APLP2: variants seen among roughly 807,000 people sequenced by gnomAD.
APLP2 encodes the protein CDEI box-binding protein.
A neutral mutation model predicts 89.9 loss-of-function variants in APLP2; 53 were observed. That is an observed-to-expected ratio of 0.59 (90% CI 0.47 to 0.74). The LOEUF is 0.74. Among genes scored for constraint, APLP2 ranks in the 30% least tolerant of loss-of-function variants. APLP2 has a pLI of 0.00. For missense variants in APLP2, 973 were observed against 975.9 expected (o/e 1.00, Z 0.04); for synonymous variants, 372 against 348.6 (o/e 1.07, Z -0.75).
chr11:130,093,451 G>C (rs377412920), intron 1 of APLP2, among the ~76,000 whole-genome samples: 2 of 152,292 alleles, frequency 1.3e-5, no homozygotes, highest in South Asian at 2.1e-4. Flanking sequence ...GATAACAAAG[G>C]GTTCTTGGAA....
Position 130,123,618 on chromosome 11 carries a change from G to C in APLP2, c.929G>C (p.Cys310Ser), listed in dbSNP as rs748257586. 1.9e-6 allele frequency: 3 copies of C among 1,613,394 alleles called. No homozygotes were observed. The highest frequency in any genetic ancestry group is 2.5e-6 in the Non-Finnish European group (3 of 1,179,642). Residue 310 changes from cysteine (C) to serine (S), a missense_variant, in exon 7 of 17, where the codon TGC (cysteine) becomes TCC (serine). By Grantham distance (112) the Cys-to-Ser change is moderately radical. Transcript: ENST00000338167. This position sits in a 1 kb window ranked among gnomAD's most constrained non-coding sequence, Gnocchi z 4.0. The stretch of plus-strand genomic sequence containing the variant: ...TCTGACCATTTTCACACAGCTGTCT[G>C]CTCCCAGGAGGCGATGACGGGGCCC... ...KEITHDVKAVCSQEAMTGPCR... is the reference protein window; with the variant it reads ...KEITHDVKAVSSQEAMTGPCR...
chr11:130,120,235 C>A (rs117012456), intron 3 of APLP2, among the ~76,000 whole-genome samples: 2 of 152,082 alleles, frequency 1.3e-5, no homozygotes, highest in African/African-American at 4.8e-5. Flanking sequence ...TGTAATTAAT[C>A]ATTGATTATT....
intron 3 of APLP2, 46 bp from the exon 4 acceptor site, chr11:130,120,660 T>C (rs779985014): frequency 6.9e-7 from 1 of 1,450,216 alleles, no homozygotes; most frequent in South Asian, 1.1e-5. Flanking sequence ...CATTTTCACC[T>C]TGAAATCATG....
At position 130,143,591 on chromosome 11, in the gene APLP2, A is replaced by G. The variant is rs988280538; in HGVS notation, c.*143A>G. ...CCTGGACTGTAGGACTATATAAAGT[A>G]CTACTGTAGAACTGCAATTTCCATT... On this transcript the variant is annotated 3_prime_UTR_variant, in exon 17 of 17. Transcript: ENST00000338167. 1 of 645,670 alleles carries G rather than the reference A, an allele frequency of 1.5e-6. No individual in the cohort carries two copies. The highest frequency in any genetic ancestry group is 2.7e-6 in the Non-Finnish European group (1 of 365,160). The allele number at this position is 645,670 out of a possible 1,614,324, so 40.0% of individuals were successfully genotyped here. A position where few individuals can be genotyped will look rare whatever the true frequency, so the allele number is the denominator to read the frequency against.
At chr11:130,129,228 G>C in intron 10 of APLP2, 22 bp downstream of exon 10, 1 of 1,602,874 alleles carries the variant, frequency 6.2e-7, no homozygotes, top group South Asian at 1.1e-5. Context: ...CCCTAGCACT[G>C]CCTGCCCTGA....
At position 130,121,815 on chromosome 11, in the gene APLP2, C is replaced by T; in HGVS notation, c.713+5C>T. On this transcript the variant is annotated splice_donor_5th_base_variant and intron_variant, in intron 5 of 16. Transcript: ENST00000338167. ...AGACTATGATGTTTATAAAAGGTAA[C>T]TCTTCTACTTTGAACTGTGAAGTCG... The T allele has an allele frequency of 6.2e-7, 1 of 1,607,878 alleles. No individual in the cohort carries two copies.
rs773515178 is a variant in APLP2 at position 130,120,697 on chromosome 11, C to CT, written c.404-5dup. 1 of 1,607,336 alleles carries CT rather than the reference C, an allele frequency of 6.2e-7. No individual in the cohort carries two copies. The highest frequency in any genetic ancestry group is 8.5e-7 in the Non-Finnish European group (1 of 1,173,852). Reference sequence around the variant, plus strand: ...TCAGATCCGCTCTGACAAAGATTCTCTTTTCCAGTGGGTGAATTTGTAAGT... The same window carrying CT: ...TCAGATCCGCTCTGACAAAGATTCTCTTTTTCCAGTGGGTGAATTTGTAAGT... On this transcript the variant is annotated splice_polypyrimidine_tract_variant and intron_variant, in intron 3 of 16. Transcript: ENST00000338167.
chr11:130,129,262 G>A (rs1167473194), intron 10 of APLP2, 56 bp downstream of exon 10: 70 of 1,537,950 alleles, frequency 4.6e-5, no homozygotes, highest in Admixed American at 7.9e-5. Flanking sequence ...GGGGACCAAT[G>A]TATGACACTC....
At chr11:130,100,968 G>A (rs1946830277) in intron 1 of APLP2, among the ~76,000 whole-genome samples, 1 of 152,136 alleles carries the variant, frequency 6.6e-6, no homozygotes, top group Non-Finnish European at 1.5e-5. Flanking sequence ...TTAGATAGTG[G>A]TTTGAAGCTT....
chr11:130,093,918 T>G (rs1945814879), intron 1 of APLP2, among the ~76,000 whole-genome samples: 1 of 152,012 alleles, frequency 6.6e-6, no homozygotes, highest in Non-Finnish European at 1.5e-5. Flanking sequence ...TAATTTTTTT[T>G]GTATTTTTAG....
At chr11:130,114,259 A>T (rs1948929672) in intron 3 of APLP2, 2 of 151,302 alleles carry the variant, frequency 1.3e-5, no homozygotes, top group Admixed American at 6.6e-5. Context: ...CAGTTCCTTT[A>T]TAGAAAAGTT....
At chr11:130,117,252 A>G (rs989021426) in intron 3 of APLP2, among the ~76,000 whole-genome samples, 2 of 152,218 alleles carry the variant, frequency 1.3e-5, no homozygotes, top group African/African-American at 4.8e-5. Flanking sequence ...GTGGCATTTA[A>G]TTTTATGGTT....
intron 3 of APLP2, among the ~76,000 whole-genome samples, chr11:130,111,908 C>T (rs369390930): frequency 6.6e-6 from 1 of 152,176 alleles, no homozygotes; most frequent in African/African-American, 2.4e-5. Flanking sequence ...TGAAATCGTT[C>T]CTTCTGCATT....
intron 1 of APLP2, among the ~76,000 whole-genome samples, chr11:130,091,929 G>A (rs1945339883): frequency 7.7e-6 from 1 of 130,168 alleles, no homozygotes; most frequent in Non-Finnish European, 1.6e-5. Flanking sequence ...CTCAGACGGG[G>A]CAGCTGCCGG....
intron 12 of APLP2, among the ~76,000 whole-genome samples, chr11:130,134,229 G>A (rs1951272426): frequency 6.6e-6 from 1 of 152,222 alleles, no homozygotes; most frequent in African/African-American, 2.4e-5. Flanking sequence ...AGTAAAACAA[G>A]AAAATAAGTG....
At position 130,084,240 on chromosome 11, in the gene APLP2, C is replaced by T. The variant is rs554048319; in HGVS notation, c.105+14158C>T. The stretch of plus-strand genomic sequence containing the variant: ...CAGCCTGGGCGATAGAGCGAGACTC[C>T]GTCTCAAAAAAAAAAAAATGCTTTT... On this transcript the variant is annotated intron_variant, in intron 1 of 16. Coordinates refer to ENST00000338167, the MANE Select transcript of APLP2 (RefSeq NM_001142276.2). Among the ~76,000 whole-genome samples the T allele has an allele frequency of 1.2e-4, 18 of 148,060 alleles. No homozygotes were observed. In the South Asian group the frequency reaches 2.9e-3, roughly 24 times the overall value.
intron 1 of APLP2, among the ~76,000 whole-genome samples, chr11:130,101,166 C>T (rs1208550761): frequency 6.6e-6 from 1 of 152,054 alleles, no homozygotes; most frequent in Non-Finnish European, 1.5e-5. Flanking sequence ...GATGTGTACC[C>T]GTGTGTTTTG....
At position 130,128,632 on chromosome 11, in the gene APLP2, T is replaced by C. The variant is rs139974732; in HGVS notation, c.1297-416T>C. ...CACAATTACTTTTGCACTAACCTAA[T>C]GACAGGAATACTTCAACAGAACTTA... On this transcript the variant is annotated intron_variant, in intron 9 of 16. Transcript: ENST00000338167. Among the ~76,000 whole-genome samples, 309 of 152,352 alleles carry C rather than the reference T, an allele frequency of 2.0e-3. 4 individuals carry two copies. Among genetic ancestry groups the C allele is most frequent in the Non-Finnish European group, 3.5e-3 (238 of 68,040 alleles).
In APLP2 at chr11:130,109,449, A is replaced by G. The variant is rs1158327002; in HGVS notation, c.126A>G (p.Gly42=). ...GYIEALAANA[G]TGFAVAEPQI... ...GGTAGGCTCTTGCAGCCAATGCCGG[A>G]ACAGGATTTGCTGTTGCTGAGCCTC... Residue 42 remains glycine, a synonymous_variant, in exon 2 of 17, where the codon GGA becomes GGG. Transcript: ENST00000338167. The G allele has an allele frequency of 3.7e-6, 6 of 1,612,382 alleles. No homozygotes were observed. The highest frequency in any genetic ancestry group is 3.4e-6 in the Non-Finnish European group (4 of 1,179,364).
Sources: allele counts gnomAD v4.1 joint callset (sites outside exome capture counted in the v4.1 genomes callset), GRCh38; gene constraint gnomAD v4.1.1; non-coding constraint Gnocchi (gnomAD v3.1); transcripts MANE v1.5; gene names NCBI Gene and HGNC (gene_info 2026-07-23, HGNC 2026-07-21).